Variants in LUM observed in about 807,000 individuals in gnomAD.
LUM encodes the protein lumican.
LUM carries 13 observed loss-of-function variants against 20.5 expected under a neutral mutation model. The ratio of observed to expected loss-of-function variants is 0.63; its 90% CI spans 0.41 to 1.01. LUM has a LOEUF of 1.01. LUM is among the 50% of genes least tolerant of loss of function. The pLI is 0.00. For missense variants in LUM, 321 were observed against 391.1 expected (o/e 0.82, Z 1.51); for synonymous variants, 173 against 151.5 (o/e 1.14, Z -1.04).
At chr12:91,110,238 C>T (rs1414114524) in intron 1 of LUM, among the ~76,000 whole-genome samples, 1 of 152,142 alleles carries the variant, frequency 6.6e-6, no homozygotes, top group East Asian at 1.9e-4. Context: ...TTATATCTTT[C>T]TATGAAAGTA....
chr12:91,106,221 C>T (rs1880029700), intron 2 of LUM, among the ~76,000 whole-genome samples: 2 of 152,164 alleles, frequency 1.3e-5, no homozygotes, highest in Admixed American at 1.3e-4. Flanking sequence ...AATTAACAAA[C>T]ATCATATGCA....
chr12:91,106,690 T>TTAAAA (rs1880038992), intron 2 of LUM, among the ~76,000 whole-genome samples: 1 of 90,584 alleles, frequency 1.1e-5, no homozygotes, highest in African/African-American at 4.6e-5. Flanking sequence ...ATTTTTCTTC[T>TTAAAA]AAAAAAAAAA....
At position 91,108,595 on chromosome 12, in the gene LUM, T is replaced by C. The variant is rs1381407295; in HGVS notation, c.385A>G (p.Thr129Ala). 5.6e-6 allele frequency: 9 copies of C among 1,612,740 alleles called. No homozygotes were observed. Among genetic ancestry groups the C allele is most frequent in the African/African-American group, 1.3e-5 (1 of 74,784 alleles). The change falls in exon 2 of 3, where the codon ACA becomes GCA. Residue 129 changes from threonine (T) to alanine (A), a missense_variant. By Grantham distance (58) the Thr-to-Ala change is moderately conservative. Coordinates refer to ENST00000266718, the MANE Select transcript of LUM (RefSeq NM_002345.4). This position sits in a 1 kb window ranked among gnomAD's most constrained non-coding sequence, Gnocchi z 4.2. ...TTGGGAAGTGGGCCCACAGACTCTG[T>C]CAGGTTGTTGTGGTTTATATGCAGC... ...KKLHINHNNL[T>A]ESVGPLPKSL...
intron 1 of LUM, among the ~76,000 whole-genome samples, chr12:91,110,754 G>A (rs539482476): frequency 6.6e-6 from 1 of 152,184 alleles, no homozygotes; most frequent in South Asian, 2.1e-4. Flanking sequence ...TCCACTATGA[G>A]GCAAAATCAC....
intron 2 of LUM, among the ~76,000 whole-genome samples, chr12:91,107,323 AAG>A (rs1565758543): frequency 7.0e-6 from 1 of 143,576 alleles, no homozygotes; most frequent in East Asian, 2.4e-4. Flanking sequence ...GAAAGAAAGA[AAG>A]AAAGAAAGAA....
At position 91,104,151 on chromosome 12, in the gene LUM, C is replaced by T. The variant is rs1335043898; in HGVS notation, c.*14G>A. The T allele has an allele frequency of 1.2e-6, 2 of 1,601,704 alleles. No homozygotes were observed. Among genetic ancestry groups the T allele is most frequent in the South Asian group, 2.2e-5 (2 of 90,288 alleles). The stretch of plus-strand genomic sequence containing the variant: ...AAAAACATAACCATAAAATATTGTT[C>T]CAGGATACAGATATTAATTAAGAGT... On this transcript the variant is annotated 3_prime_UTR_variant, in exon 3 of 3. Transcript: ENST00000266718.
At chr12:91,104,393 T>C (rs1879984716) in intron 2 of LUM, 74 bp from the exon 3 acceptor site, 1 of 1,008,522 alleles carries the variant, frequency 9.9e-7, no homozygotes, top group Non-Finnish European at 1.5e-6. Flanking sequence ...AAATTTATGT[T>C]TAATATATTA....
chr12:91,106,931 G>T (rs912459259), intron 2 of LUM, among the ~76,000 whole-genome samples: 14 of 151,718 alleles, frequency 9.2e-5, no homozygotes, highest in Non-Finnish European at 1.6e-4. Context: ...CAGTACTTTG[G>T]GAGGCCAAGG....
At chr12:91,106,465 T>A (rs971094627) in intron 2 of LUM, among the ~76,000 whole-genome samples, 2 of 152,064 alleles carry the variant, frequency 1.3e-5, no homozygotes, top group Non-Finnish European at 2.9e-5. Context: ...GTTATCCTGG[T>A]AGGAAATGGT....
intron 2 of LUM, among the ~76,000 whole-genome samples, chr12:91,104,847 C>G (rs374602793): frequency 6.6e-6 from 1 of 152,084 alleles, no homozygotes; most frequent in Non-Finnish European, 1.5e-5. Context: ...TAGCAATGAT[C>G]AAAATTCTAA....
chr12:91,110,123 G>A (rs1880169421), intron 1 of LUM, among the ~76,000 whole-genome samples: 1 of 152,178 alleles, frequency 6.6e-6, no homozygotes, highest in Non-Finnish European at 1.5e-5. Flanking sequence ...ATAAGAGTTA[G>A]ACTTTTATAG....
At position 91,108,091 on chromosome 12, in the gene LUM, C is replaced by T; in HGVS notation, c.862+27G>A. ...GGTATTTAAACACTTGAGCACACAT[C>T]AAACACAGGAACAGCTTTTTACTTA... On this transcript the variant is annotated intron_variant, in intron 2 of 2. Transcript: ENST00000266718. This position sits in a 1 kb window ranked among gnomAD's most constrained non-coding sequence, Gnocchi z 4.2. The T allele has an allele frequency of 1.2e-6, 2 of 1,612,984 alleles. No homozygotes were observed. The highest frequency in any genetic ancestry group is 1.1e-5 in the South Asian group (1 of 90,784).
intron 2 of LUM, among the ~76,000 whole-genome samples, chr12:91,105,503 T>C (rs1257763366): frequency 6.6e-6 from 1 of 152,194 alleles, no homozygotes. Flanking sequence ...TTGTTTTGGC[T>C]ATATATTCCC....
At chr12:91,104,543 A>C (rs926727942) in intron 2 of LUM, among the ~76,000 whole-genome samples, 1 of 152,174 alleles carries the variant, frequency 6.6e-6, no homozygotes, top group East Asian at 1.9e-4. Flanking sequence ...CAAGATATTC[A>C]GTGGAATATT....
At chr12:91,109,916 G>C (rs1001864728) in intron 1 of LUM, among the ~76,000 whole-genome samples, 1 of 152,172 alleles carries the variant, frequency 6.6e-6, no homozygotes, top group Non-Finnish European at 1.5e-5. Context: ...ATGGAGGTGG[G>C]AGAGAGGTGT....
rs764067192 is a variant in LUM at position 91,108,016 on chromosome 12, AT to A, written c.862+101del. ...GAATGAGCCACAGCGCCCGGGCGACATTTTGTTTTTTTAATGGAGCCAGATG... is the reference window on the plus strand; with the variant it reads ...GAATGAGCCACAGCGCCCGGGCGACATTTGTTTTTTTAATGGAGCCAGATG... On this transcript the variant is annotated intron_variant, in intron 2 of 2. Coordinates refer to ENST00000266718, the MANE Select transcript of LUM (RefSeq NM_002345.4). The surrounding 1 kb of genome is among the most constrained non-coding windows in gnomAD (Gnocchi z 4.2). 13 of 1,370,284 alleles carry A rather than the reference AT, an allele frequency of 9.5e-6. No homozygotes were observed. The highest frequency in any genetic ancestry group is 1.4e-5 in the Non-Finnish European group (13 of 961,070). The allele number at this position is 1,370,284 out of a possible 1,614,324, so 84.9% of individuals were successfully genotyped here. A position where few individuals can be genotyped will look rare whatever the true frequency, so the allele number is the denominator to read the frequency against.
intron 2 of LUM, among the ~76,000 whole-genome samples, chr12:91,107,261 A>C (rs12578781): frequency 6.0e-5 from 3 of 49,712 alleles, no homozygotes; most frequent in African/African-American, 1.7e-4. Flanking sequence ...GAAAGAAAGA[A>C]AGAAAGAAAG....
In LUM at chr12:91,105,864, G is replaced by A. The variant is rs75671162; in HGVS notation, c.863-1545C>T. 9.7e-3 allele frequency among the ~76,000 whole-genome samples: 1,474 copies of A among 152,238 alleles called. 22 individuals carry two copies. Among genetic ancestry groups the A allele is most frequent in the African/African-American group, 0.034 (1,424 of 41,526 alleles). ...TTGTTTCAGAGAAAGAAGTAGCCCT[G>A]CTCTTACGAATAATCTCTACCCACC... On this transcript the variant is annotated intron_variant, in intron 2 of 2. Coordinates refer to ENST00000266718, the MANE Select transcript of LUM (RefSeq NM_002345.4).
At position 91,108,582 on chromosome 12, in the gene LUM, C is replaced by T. The variant is rs1880132133; in HGVS notation, c.398G>A (p.Gly133Asp). The stretch of plus-strand genomic sequence containing the variant: ...ATCCTCCAGAGATTTGGGAAGTGGG[C>T]CCACAGACTCTGTCAGGTTGTTGTG... ...INHNNLTESV[G>D]PLPKSLEDLQ... is the part of the protein sequence containing the mutation. Residue 133 changes from glycine (G) to aspartate (D), a missense_variant, in exon 2 of 3, where the codon GGC (glycine) becomes GAC (aspartate). Coordinates refer to ENST00000266718, the MANE Select transcript of LUM (RefSeq NM_002345.4). This position sits in a 1 kb window ranked among gnomAD's most constrained non-coding sequence, Gnocchi z 4.2. The T allele has an allele frequency of 1.9e-6, 3 of 1,611,280 alleles. No individual in the cohort carries two copies. Among genetic ancestry groups the T allele is most frequent in the Non-Finnish European group, 2.5e-6 (3 of 1,178,328 alleles).
Sources: allele counts gnomAD v4.1 joint callset (sites outside exome capture counted in the v4.1 genomes callset), GRCh38; gene constraint gnomAD v4.1.1; non-coding constraint Gnocchi (gnomAD v3.1); transcripts MANE v1.5; gene names NCBI Gene and HGNC (gene_info 2026-07-23, HGNC 2026-07-21).